The following RAD18 variants were observed in gnomAD, a reference collection of about 807,000 sequenced individuals.
RAD18 encodes RAD18 E3 ubiquitin protein ligase, also known as E3 ubiquitin-protein ligase RAD18.
Under a neutral mutation model 60.4 loss-of-function variants are expected in RAD18, and 47 were observed. The ratio of observed to expected loss-of-function variants is 0.78; its 90% confidence interval spans 0.62 to 0.99. RAD18 has a LOEUF of 0.99. Among genes scored for constraint, RAD18 ranks in the 50% least tolerant of loss-of-function variants. RAD18 has a pLI of 0.00. For synonymous variants in RAD18, 225 were observed against 195.5 expected (o/e 1.15, Z -1.26); for missense variants, 640 against 593.3 (o/e 1.08, Z -0.82).
chr3:8,931,849 AC>A (rs1319939712), intron 7 of RAD18, among the ~76,000 whole-genome samples: 1 of 152,234 alleles, frequency 6.6e-6, no homozygotes, highest in Non-Finnish European at 1.5e-5. Context: ...CATGCTATAT[AC>A]ATGGCCGTTA....
chr3:8,941,698 ACTGT>A lies in RAD18; in HGVS notation c.369_372del (p.Arg123SerfsTer3). The A allele has an allele frequency of 5.0e-6, 8 of 1,614,122 alleles. No individual in the cohort carries two copies. Among genetic ancestry groups the A allele is most frequent in the Middle Eastern group, 1.6e-4 (1 of 6,062 alleles). On this transcript the variant is annotated frameshift_variant, in exon 5 of 13. Transcript: ENST00000264926. LOFTEE classifies it high-confidence loss of function. ...ATTAACCTGCTCCCCTGCTTTAAAG[ACTGT>A]CTGGAGGCTACAGGAGTATATACTT...
At chr3:8,928,049 TAAAAAA>T (rs58756851) in intron 7 of RAD18, among the ~76,000 whole-genome samples, 169 of 121,736 alleles carry the variant, frequency 1.4e-3, no homozygotes, top group African/African-American at 4.1e-3. Context: ...CCCTAAAACT[TAAAAAA>T]AAAAAAAAAA....
chr3:8,927,703 G>A (rs150415930), intron 7 of RAD18, among the ~76,000 whole-genome samples: 5,355 of 152,132 alleles, frequency 0.035, 131 homozygotes, highest in Middle Eastern at 0.055. Flanking sequence ...AATGTGGCAC[G>A]TATATACCAT....
Position 8,894,626 on chromosome 3 carries a change from TG to T in RAD18, c.1323-4176del, listed in dbSNP as rs1939753965. On this transcript the variant is annotated intron_variant, in intron 11 of 12. Transcript: ENST00000264926. ...CAAGGAAGACTGACTGCTAGGTACA[TG>T]GATCTCAAGGAGTCATACACATTTC... 2.0e-5 allele frequency among the ~76,000 whole-genome samples: 3 copies of T among 152,138 alleles called. No homozygotes were observed. The East Asian group carries it at 5.8e-4, about 29-fold the overall frequency.
At chr3:8,961,421 T>C (rs1248799490) in intron 1 of RAD18, among the ~76,000 whole-genome samples, 1 of 152,198 alleles carries the variant, frequency 6.6e-6, no homozygotes, top group Non-Finnish European at 1.5e-5. Context: ...GAAAAATGGA[T>C]GACAACTATG....
intron 2 of RAD18, among the ~76,000 whole-genome samples, chr3:8,951,209 A>G (rs1333285659): frequency 6.6e-6 from 1 of 152,226 alleles, no homozygotes; most frequent in Non-Finnish European, 1.5e-5. Flanking sequence ...ACCTCAGCCA[A>G]TCATATTGAA....
intron 7 of RAD18, among the ~76,000 whole-genome samples, chr3:8,927,584 C>G (rs141424055): frequency 1.6e-3 from 250 of 152,302 alleles, no homozygotes; most frequent in Non-Finnish European, 2.6e-3. Flanking sequence ...GATTATAAAC[C>G]ATGCTGCTAT....
chr3:8,945,695 C>T (rs971134108), intron 4 of RAD18, among the ~76,000 whole-genome samples: 22 of 152,028 alleles, frequency 1.4e-4, no homozygotes, highest in African/African-American at 5.3e-4. Flanking sequence ...TGGTCTCGAT[C>T]TCCTGACCTC....
At chr3:8,927,962 T>C (rs1355377123) in intron 7 of RAD18, among the ~76,000 whole-genome samples, 1 of 147,594 alleles carries the variant, frequency 6.8e-6, no homozygotes, top group Non-Finnish European at 1.5e-5. Context: ...CTAATGTAAA[T>C]GACGAGTTAG....
At chr3:8,958,379 G>A (rs7611856) in intron 2 of RAD18, among the ~76,000 whole-genome samples, 36,266 of 152,114 alleles carry the variant, frequency 0.24, 6,920 homozygotes, top group African/African-American at 0.53. Flanking sequence ...CTTAAGGTAC[G>A]ATATTTTTAA....
rs1319750902 is a variant in RAD18, at chr3:8,951,648, A to G, written c.134-3078T>C. ...GTACAAAAATAATAACGAAGTATTC[A>G]ATTATAGATGCTTATTATGTATATG... On this transcript the variant is annotated intron_variant, in intron 2 of 12. Transcript: ENST00000264926. 3.3e-5 allele frequency among the ~76,000 whole-genome samples: 5 copies of G among 152,374 alleles called. No individual in the cohort carries two copies. The South Asian group carries it at 1.0e-3, about 32-fold the overall frequency.
intron 10 of RAD18, 117 bp from the exon 11 acceptor site, chr3:8,899,164 G>T: frequency 2.7e-6 from 2 of 740,844 alleles, no homozygotes; most frequent in Non-Finnish European, 2.0e-6. Flanking sequence ...ATGTCACATA[G>T]ATTCCAGAAC....
Position 8,941,577 on chromosome 3 carries a change from G to A in RAD18, c.494C>T (p.Pro165Leu), listed in dbSNP as rs1462594288. Reference sequence around the variant, plus strand: ...ACGTGTCTCTTTGGTCTTTGCAGCAGGGCTCGCCTCTTTTTGAGGGCTGAA... The same window carrying A: ...ACGTGTCTCTTTGGTCTTTGCAGCAAGGCTCGCCTCTTTTTGAGGGCTGAA... The part of the protein sequence containing the change: ...SKFSPQKEAS[P>L]AAKTKETRSV... The change falls in exon 5 of 13, where the codon CCT becomes CTT. Residue 165 changes from proline (P) to leucine (L), a missense_variant. Coordinates refer to ENST00000264926, the MANE Select transcript of RAD18 (RefSeq NM_020165.4). 6.2e-7 allele frequency: 1 copy of A among 1,613,994 alleles called. No homozygotes were observed. The highest frequency in any genetic ancestry group is 8.5e-7 in the Non-Finnish European group (1 of 1,180,012).
At chr3:8,961,786 C>A (rs1013925180) in intron 1 of RAD18, among the ~76,000 whole-genome samples, 1 of 152,188 alleles carries the variant, frequency 6.6e-6, no homozygotes, top group South Asian at 2.1e-4. Context: ...CCAAACTCTA[C>A]ATTCAGTGCT....
rs1156564903 is a variant in RAD18 at position 8,890,407 on chromosome 3, G to C, written c.1367C>G (p.Ala456Gly). 2 of 1,593,956 alleles carry C rather than the reference G, an allele frequency of 1.3e-6. No homozygotes were observed. Among genetic ancestry groups the C allele is most frequent in the Admixed American group, 1.7e-5 (1 of 59,984 alleles). ...IIRDLLEEEE[A>G]WEASHKNDLQ... ...AACTCACTTATGTGATGCTTCCCAG[G>C]CTTCCTCTTCTTCTAAAAGATCTCT... The change falls in exon 12 of 13, where the codon GCC becomes GGC. Residue 456 changes from alanine (A) to glycine (G), a missense_variant. Physicochemically the swap from Ala to Gly is moderately conservative, Grantham distance 60. Transcript: ENST00000264926.
At position 8,880,873 on chromosome 3, in the gene RAD18, A is replaced by AGATC; in HGVS notation, c.*483_*484insGATC. 6.5e-6 allele frequency: 1 copy of AGATC among 153,866 alleles called. No homozygotes were observed. The highest frequency in any genetic ancestry group is 6.4e-5 in the Admixed American group (1 of 15,518). 9.5% of individuals were successfully genotyped at this position (153,866 alleles called of 1,614,324 possible). ...TAACACAGGCATGGTGGTGGCGTGC[A>AGATC]TCGGTACTTACACACACCAAGGATG... On this transcript the variant is annotated 3_prime_UTR_variant, in exon 13 of 13. Coordinates refer to ENST00000264926, the MANE Select transcript of RAD18 (RefSeq NM_020165.4).
At chr3:8,949,181 A>G (rs1940888525) in intron 2 of RAD18, among the ~76,000 whole-genome samples, 1 of 152,184 alleles carries the variant, frequency 6.6e-6, no homozygotes, top group African/African-American at 2.4e-5. Context: ...AATTCACCAC[A>G]CTCAAGGCAG....
chr3:8,930,456 A>G lies in RAD18; in HGVS notation c.889+5415T>C, dbSNP rs990111137. Among the ~76,000 whole-genome samples, 6 of 152,154 alleles carry G rather than the reference A, an allele frequency of 3.9e-5. No homozygotes were observed. The South Asian group carries it at 1.0e-3, about 26-fold the overall frequency. On this transcript the variant is annotated intron_variant, in intron 7 of 12. Transcript: ENST00000264926. ...ATACTGGGCTCTTTTCAGGGTAACA[A>G]AATGTTCTAAAATTTAATATGATAG...
At chr3:8,889,491 G>A (rs1939643821) in intron 12 of RAD18, among the ~76,000 whole-genome samples, 1 of 152,178 alleles carries the variant, frequency 6.6e-6, no homozygotes, top group South Asian at 2.1e-4. Flanking sequence ...TAAATGTGCT[G>A]GAAAGAGATG....
Sources: allele counts gnomAD v4.1 joint callset (sites outside exome capture counted in the v4.1 genomes callset), GRCh38; gene constraint gnomAD v4.1.1; transcripts MANE v1.5; gene names NCBI Gene and HGNC (gene_info 2026-07-23, HGNC 2026-07-21).